AUTS2: variants seen among roughly 807,000 people sequenced by gnomAD.
AUTS2 encodes activator of transcription and developmental regulator AUTS2.
AUTS2 carries 17 observed loss-of-function variants against 112.4 expected under a neutral mutation model. That is an observed-to-expected ratio of 0.15 (90% confidence interval 0.10 to 0.23). The LOEUF is 0.23. Among genes scored for constraint, AUTS2 ranks in the 10% least tolerant of loss-of-function variants. The probability of loss-of-function intolerance (pLI) is 1.00; values close to 1 mark genes in which losing one functional copy is unlikely to be tolerated. For synonymous variants in AUTS2, 751 were observed against 702.7 expected (o/e 1.07, Z -1.09); for missense variants, 1,510 against 1,701.6 (o/e 0.89, Z 1.98).
intron 2 of AUTS2, among the ~76,000 whole-genome samples, chr7:70,026,198 G>A (rs1429756114): frequency 2.6e-5 from 4 of 152,200 alleles, no homozygotes; most frequent in Non-Finnish European, 2.9e-5. Flanking sequence ...AAGGGAAAAC[G>A]CTCCTTAGTT....
intron 1 of AUTS2, among the ~76,000 whole-genome samples, chr7:69,882,310 TGTAATAAATAA>T (rs1794090718): frequency 6.6e-6 from 1 of 151,966 alleles, no homozygotes; most frequent in Admixed American, 6.6e-5. Flanking sequence ...CCCATCTCAA[TGTAATAAATAA>T]GTAAATAATT....
chr7:70,011,655 A>T (rs1443892977), intron 2 of AUTS2, among the ~76,000 whole-genome samples: 3 of 152,172 alleles, frequency 2.0e-5, no homozygotes, highest in African/African-American at 7.2e-5. Context: ...GGGCAGCATG[A>T]GTCTTTTGGA....
At chr7:69,902,762 G>C (rs911832310) in intron 2 of AUTS2, among the ~76,000 whole-genome samples, 2 of 152,104 alleles carry the variant, frequency 1.3e-5, no homozygotes, top group Non-Finnish European at 2.9e-5. Context: ...TCACTTGCCT[G>C]GTTGTAAAAC....
rs116674016 is a variant in AUTS2, at chr7:69,881,287, C to T, written c.310-17999C>T. Among the ~76,000 whole-genome samples the T allele has an allele frequency of 2.1e-3, 323 of 152,108 alleles. 1 individual carries two copies. The highest frequency in any genetic ancestry group is 7.4e-3 in the African/African-American group (308 of 41,492). ...GAGTTTTTTTCCTCTCCTTTTTCCC[C>T]GTCTTTCCCTGTTCCATTAAGCCTT... is the stretch of plus-strand genomic sequence containing the variant. On this transcript the variant is annotated intron_variant, in intron 1 of 18. Coordinates refer to ENST00000342771, the MANE Select transcript of AUTS2 (RefSeq NM_015570.4).
At position 70,793,144 on chromosome 7, in the gene AUTS2, G is replaced by C. The variant is rs1183846790; in HGVS notation, c.*2148G>C. 6.6e-6 allele frequency: 1 copy of C among 151,992 alleles called. No individual in the cohort carries two copies. Among genetic ancestry groups the C allele is most frequent in the African/African-American group, 2.4e-5 (1 of 41,408 alleles). The allele number at this position is 151,992 out of a possible 1,614,324, so 9.4% of individuals were successfully genotyped here. ...TCGTATGTCCAAGATACTGTAAAAGGTACTTCTGGATTTTGTAGACGTGTG... is the reference window on the plus strand; with the variant it reads ...TCGTATGTCCAAGATACTGTAAAAGCTACTTCTGGATTTTGTAGACGTGTG... On this transcript the variant is annotated 3_prime_UTR_variant, in exon 19 of 19. Transcript: ENST00000342771.
chr7:69,930,515 C>T (rs1796187507), intron 2 of AUTS2, among the ~76,000 whole-genome samples: 1 of 143,224 alleles, frequency 7.0e-6, no homozygotes, highest in African/African-American at 2.5e-5. Flanking sequence ...TCAGAGATTA[C>T]TGTCATTAGT....
chr7:70,528,093 A>ATTTTTTTTTTTTT (rs10651355), intron 5 of AUTS2, among the ~76,000 whole-genome samples: 2 of 97,294 alleles, frequency 2.1e-5, no homozygotes, highest in Non-Finnish European at 4.0e-5. Flanking sequence ...AAATTTAAGG[A>ATTTTTTTTTTTTT]TTTTTTTTTT....
Position 70,631,307 on chromosome 7 carries a change from G to A in AUTS2, c.691-67262G>A, listed in dbSNP as rs965277132. 1.8e-4 allele frequency among the ~76,000 whole-genome samples: 28 copies of A among 152,330 alleles called. 1 individual carries two copies. The highest frequency in any genetic ancestry group is 4.1e-4 in the South Asian group (2 of 4,828). On this transcript the variant is annotated intron_variant, in intron 5 of 18. Coordinates refer to ENST00000342771, the MANE Select transcript of AUTS2 (RefSeq NM_015570.4). The surrounding 1 kb of genome is among the most constrained non-coding windows in gnomAD (Gnocchi z 4.5). The stretch of plus-strand genomic sequence containing the variant: ...TTGCTGCGGGCTGGCCGGGCTGCTG[G>A]CTCGCCTTGAAGAGAACACCAGGGC...
chr7:70,409,138 A>G (rs1037011284), intron 4 of AUTS2, among the ~76,000 whole-genome samples: 18 of 152,178 alleles, frequency 1.2e-4, no homozygotes, highest in East Asian at 1.9e-4. Context: ...GATTGTGACA[A>G]CGGTACCAAA....
chr7:70,288,703 A>C (rs1332852541), intron 4 of AUTS2, among the ~76,000 whole-genome samples: 1 of 152,166 alleles, frequency 6.6e-6, no homozygotes, highest in East Asian at 1.9e-4. Flanking sequence ...GGATGGAGAT[A>C]AAAGATGTAT....
chr7:69,657,600 G>A (rs972726393), intron 1 of AUTS2, among the ~76,000 whole-genome samples: 26 of 152,292 alleles, frequency 1.7e-4, no homozygotes, highest in African/African-American at 6.0e-4. Flanking sequence ...ACACACCCAG[G>A]TGCGTTCTGA....
intron 5 of AUTS2, among the ~76,000 whole-genome samples, chr7:70,659,395 A>G (rs891925718): frequency 3.3e-5 from 5 of 151,916 alleles, no homozygotes; most frequent in Admixed American, 6.6e-5. Flanking sequence ...TTCCCCTCCC[A>G]CCTAGGTGAT....
intron 4 of AUTS2, among the ~76,000 whole-genome samples, chr7:70,145,311 G>T (rs1381425774): frequency 1.3e-5 from 2 of 152,020 alleles, no homozygotes; most frequent in African/African-American, 2.4e-5. Context: ...TGTAGCCATC[G>T]TGTACAACTG....
At chr7:70,751,077 G>C (rs778485949) in intron 6 of AUTS2, among the ~76,000 whole-genome samples, 1 of 152,126 alleles carries the variant, frequency 6.6e-6, no homozygotes, top group Non-Finnish European at 1.5e-5. Flanking sequence ...ATCAAAAGAC[G>C]TGCAAAACAC....
intron 16 of AUTS2, among the ~76,000 whole-genome samples, 158 bp downstream of exon 16, chr7:70,785,177 C>A (rs1237957627): frequency 3.3e-5 from 5 of 152,266 alleles, no homozygotes; most frequent in African/African-American, 1.2e-4. Context: ...AGTTTCAGTA[C>A]ATCCCGTCCA....
At chr7:70,075,211 A>G (rs1489516530) in intron 2 of AUTS2, among the ~76,000 whole-genome samples, 3 of 152,232 alleles carry the variant, frequency 2.0e-5, no homozygotes, top group Non-Finnish European at 4.4e-5. Flanking sequence ...AACATAGCTC[A>G]GAAACTACTG....
At chr7:70,235,517 C>T (rs548117838) in intron 4 of AUTS2, among the ~76,000 whole-genome samples, 1 of 152,262 alleles carries the variant, frequency 6.6e-6, no homozygotes, top group Non-Finnish European at 1.5e-5. Context: ...ACACTGTTTT[C>T]TTTCCTATAC....
intron 4 of AUTS2, among the ~76,000 whole-genome samples, chr7:70,213,361 T>TAAAAA (rs34904267): frequency 1.0e-5 from 1 of 97,440 alleles, no homozygotes; most frequent in South Asian, 3.3e-4. Flanking sequence ...ACCCCCTTTC[T>TAAAAA]AAAAAAAAAA....
chr7:70,074,147 A>G (rs974526623), intron 2 of AUTS2, among the ~76,000 whole-genome samples: 4 of 152,230 alleles, frequency 2.6e-5, no homozygotes, highest in Non-Finnish European at 4.4e-5. Context: ...TTGTTTGTCA[A>G]CTGAATGTAT....
Sources: allele counts gnomAD v4.1 joint callset (sites outside exome capture counted in the v4.1 genomes callset), GRCh38; gene constraint gnomAD v4.1.1; non-coding constraint Gnocchi (gnomAD v3.1); transcripts MANE v1.5; gene names NCBI Gene and HGNC (gene_info 2026-07-23, HGNC 2026-07-21).